NXPE4: variants seen among roughly 807,000 people sequenced by gnomAD.
NXPE4 encodes neurexophilin and PC-esterase domain family member 4.
In NXPE4, 42 loss-of-function variants were observed where a neutral mutation model predicts 33.3. The ratio of observed to expected loss-of-function variants is 1.26; its 90% CI spans 0.98 to 1.63. The LOEUF (loss-of-function observed/expected upper bound fraction) is 1.63, where lower values mean the gene tolerates loss of function less well. Ranked by LOEUF, NXPE4 falls within the 40% of genes most tolerant of loss-of-function variation. NXPE4 has a pLI of 0.00. For synonymous variants in NXPE4, 253 were observed against 234.9 expected, an observed-to-expected ratio of 1.08 and a Z score of -0.71; for missense variants, 709 against 647.6, an observed-to-expected ratio of 1.09 and a Z score of -1.03.
chr11:114,611,190 C>T, the NXPE4 span, among the ~76,000 whole-genome samples: 1 of 151,544 alleles, frequency 6.6e-6, no homozygotes, highest in African/African-American at 2.4e-5. Flanking sequence ...ACCACTGCTA[C>T]CCGCTGGATA....
the NXPE4 span, among the ~76,000 whole-genome samples, chr11:114,663,678 T>TTATCTATCTATCTATCTATCTATCTATC: frequency 6.9e-6 from 1 of 145,940 alleles, no homozygotes; most frequent in Non-Finnish European, 1.5e-5. Context: ...ATCTATCTAT[T>TTATCTATCTATCTATCTATCTATCTATC]TATCTATCTA....
At chr11:114,641,727 G>GCA in the NXPE4 span, among the ~76,000 whole-genome samples, 1 of 152,092 alleles carries the variant, frequency 6.6e-6, no homozygotes, top group East Asian at 1.9e-4. Flanking sequence ...AACTCTTAGA[G>GCA]CACACTGAAA....
the NXPE4 span, among the ~76,000 whole-genome samples, chr11:114,651,329 T>C: frequency 6.6e-6 from 1 of 151,798 alleles, no homozygotes. Context: ...TTGTTACAGC[T>C]CGTTAAGGTG....
the NXPE4 span, among the ~76,000 whole-genome samples, chr11:114,673,799 C>G: frequency 5.3e-5 from 8 of 151,688 alleles, no homozygotes; most frequent in Non-Finnish European, 1.0e-4. Context: ...AAACCAGGTT[C>G]CCACAAAGAT....
the NXPE4 span, among the ~76,000 whole-genome samples, chr11:114,622,718 G>A: frequency 4.0e-5 from 6 of 150,440 alleles, no homozygotes; most frequent in Admixed American, 6.6e-5. Context: ...TGGATAATAC[G>A]TGTTCCCTCG....
Position 114,582,948 on chromosome 11 carries a change from G to C in NXPE4, c.170C>G (p.Thr57Arg), listed in dbSNP as rs112073332. The C allele has an allele frequency of 3.3e-4, 533 of 1,614,152 alleles. 2 individuals are homozygous for C. The African/African-American group carries it at 6.1e-3, about 19-fold the overall frequency. ...TAGTGGCTTTAATGATATCAGTGGT[G>C]TTTTAGGGAATAAGGACTTTGTGGA... ...NNSTKSLFPK[T>R]PLISLKPLTE... The change falls in exon 3 of 6, where the codon ACA becomes AGA. Residue 57 changes from threonine (T) to arginine (R), a missense_variant. Transcript: ENST00000375478.
At chr11:114,594,593 C>T in intron 2 of NXPE4, 71 bp downstream of exon 2, 1 of 975,582 alleles carries the variant, frequency 1.0e-6, no homozygotes, top group East Asian at 2.4e-5. Context: ...GTAGTTTAGC[C>T]TTTCCTAGAA....
chr11:114,609,617 T>C, the NXPE4 span, among the ~76,000 whole-genome samples: 4 of 136,312 alleles, frequency 2.9e-5, no homozygotes, highest in Non-Finnish European at 6.4e-5. Flanking sequence ...TGGGTAGGCA[T>C]GCTTACCCGA....
intron 2 of NXPE4, among the ~76,000 whole-genome samples, chr11:114,592,221 G>A (rs570458915): frequency 6.6e-6 from 1 of 152,160 alleles, no homozygotes; most frequent in South Asian, 2.1e-4. Flanking sequence ...TTGGAAAGAA[G>A]GAAATTAAAT....
the NXPE4 span, among the ~76,000 whole-genome samples, chr11:114,653,135 T>C: frequency 3.3e-5 from 5 of 152,314 alleles, no homozygotes; most frequent in Admixed American, 2.6e-4. Flanking sequence ...ATAACAATAC[T>C]GACTTGTTTT....
chr11:114,602,458 TA>T, the NXPE4 span, among the ~76,000 whole-genome samples: 3 of 134,716 alleles, frequency 2.2e-5, no homozygotes, highest in African/African-American at 8.0e-5. Context: ...ATATTATAAA[TA>T]ATATATAAAT....
At chr11:114,594,543 T>G in intron 2 of NXPE4, 121 bp downstream of exon 2, 1 of 680,636 alleles carries the variant, frequency 1.5e-6, no homozygotes, top group Non-Finnish European at 2.6e-6. Context: ...TTGTTTGGTA[T>G]CTAGCTATTC....
At chr11:114,591,677 C>T (rs1295728300) in intron 2 of NXPE4, among the ~76,000 whole-genome samples, 4 of 152,128 alleles carry the variant, frequency 2.6e-5, no homozygotes, top group African/African-American at 9.7e-5. Flanking sequence ...TTCCAGCCTC[C>T]AGCCAATGGA....
chr11:114,640,966 G>A, the NXPE4 span, among the ~76,000 whole-genome samples: 2 of 151,942 alleles, frequency 1.3e-5, no homozygotes, highest in Non-Finnish European at 2.9e-5. Flanking sequence ...AACACATAGA[G>A]CAAGAATTAG....
At chr11:114,609,067 A>C in the NXPE4 span, among the ~76,000 whole-genome samples, 1 of 151,788 alleles carries the variant, frequency 6.6e-6, no homozygotes, top group Non-Finnish European at 1.5e-5. Context: ...CTCGTGGGTA[A>C]CCACTGTTAT....
chr11:114,597,549 T>C (rs1351843871), upstream of NXPE4, among the ~76,000 whole-genome samples: 1 of 152,194 alleles, frequency 6.6e-6, no homozygotes, highest in African/African-American at 2.4e-5. Context: ...TGCACACAGA[T>C]GTATATTTTC....
At chr11:114,654,264 G>A in the NXPE4 span, among the ~76,000 whole-genome samples, 1 of 151,792 alleles carries the variant, frequency 6.6e-6, no homozygotes, top group African/African-American at 2.4e-5. Flanking sequence ...ATGAAACAGA[G>A]CTGTGTTAAA....
the NXPE4 span, among the ~76,000 whole-genome samples, chr11:114,624,426 GATA>G: frequency 1.3e-5 from 2 of 152,096 alleles, no homozygotes; most frequent in East Asian, 3.9e-4. Flanking sequence ...TTACCCACTG[GATA>G]ATAATTATTG....
chr11:114,616,450 ACT>A, the NXPE4 span, among the ~76,000 whole-genome samples: 1 of 151,744 alleles, frequency 6.6e-6, no homozygotes, highest in Non-Finnish European at 1.5e-5. Context: ...TAGTGTAACC[ACT>A]GTTACCCAAT....
Sources: gnomAD v4.1 joint callset for allele counts (sites outside exome capture counted in the v4.1 genomes callset) on GRCh38, gnomAD v4.1.1 for gene constraint, MANE v1.5 for transcripts, NCBI Gene and HGNC (gene_info 2026-07-23, HGNC 2026-07-21) for gene names.